The following TXNL4A variants were observed in gnomAD, a reference collection of about 807,000 sequenced individuals.
TXNL4A encodes thioredoxin-like protein 4A.
A neutral mutation model predicts 14.6 loss-of-function variants in TXNL4A; 17 were observed. The observed-to-expected ratio is 1.16, with a 90% CI of 0.80 to 1.74. TXNL4A has a LOEUF of 1.74. Among genes scored for constraint, TXNL4A ranks in the 40% most tolerant of loss-of-function variants. TXNL4A has a pLI of 0.00. For missense variants in TXNL4A, 74 were observed against 195.2 expected (o/e 0.38, Z 3.70); for synonymous variants, 83 against 70.6 (o/e 1.18, Z -0.88).
intron 1 of TXNL4A, among the ~76,000 whole-genome samples, chr18:80,012,771 C>T (rs1288577733): frequency 6.6e-6 from 1 of 152,142 alleles, no homozygotes; most frequent in Non-Finnish European, 1.5e-5. Context: ...ACCCTCTTTA[C>T]AGGGTCTGTT....
At chr18:79,978,612 G>A (rs1275267069) in intron 1 of TXNL4A, among the ~76,000 whole-genome samples, 2 of 150,152 alleles carry the variant, frequency 1.3e-5, no homozygotes, top group Non-Finnish European at 3.0e-5. Context: ...TCCCATCTCC[G>A]CCTCCCAAGC....
chr18:79,976,223 G>C (rs2051377486), intron 2 of TXNL4A, among the ~76,000 whole-genome samples: 1 of 152,232 alleles, frequency 6.6e-6, no homozygotes. Flanking sequence ...CCCTGGGTGA[G>C]AGTGAGACTC....
intron 1 of TXNL4A, among the ~76,000 whole-genome samples, chr18:79,995,878 A>G (rs925211693): frequency 6.6e-5 from 10 of 151,922 alleles, no homozygotes; most frequent in Non-Finnish European, 1.3e-4. Flanking sequence ...TGAGGCGGGC[A>G]GATCATGAGG....
chr18:80,008,982 T>C (rs2051751402), intron 1 of TXNL4A, among the ~76,000 whole-genome samples: 2 of 152,058 alleles, frequency 1.3e-5, no homozygotes, highest in Non-Finnish European at 2.9e-5. Flanking sequence ...GTCACCATAT[T>C]GGCCAGGCTG....
chr18:80,019,512 C>A (rs993399535), intron 1 of TXNL4A, among the ~76,000 whole-genome samples: 2 of 152,150 alleles, frequency 1.3e-5, no homozygotes, highest in East Asian at 3.9e-4. Context: ...GGGGACACAG[C>A]CAAACCATAT....
At chr18:80,031,961 G>A (rs1014476699) in intron 1 of TXNL4A, among the ~76,000 whole-genome samples, 2 of 152,152 alleles carry the variant, frequency 1.3e-5, no homozygotes, top group African/African-American at 4.8e-5. Context: ...TTATAATGTT[G>A]TTGTGGTATA....
At chr18:79,992,022 G>C (rs532253415), upstream of TXNL4A, among the ~76,000 whole-genome samples, 1 of 152,208 alleles carries the variant, frequency 6.6e-6, no homozygotes, top group Admixed American at 6.5e-5. Context: ...GACTCAAAGC[G>C]GGAAGGGGGC....
intron 1 of TXNL4A, among the ~76,000 whole-genome samples, chr18:79,984,419 C>T (rs903633631): frequency 1.3e-5 from 2 of 152,108 alleles, no homozygotes; most frequent in South Asian, 2.1e-4. Flanking sequence ...ATGGCAAAAC[C>T]ACATCTCTAC....
chr18:79,973,540 G>C lies in TXNL4A; in HGVS notation c.*145C>G, dbSNP rs187893297. 1.0e-6 allele frequency: 1 copy of C among 999,422 alleles called. No individual in the cohort carries two copies. 61.9% of individuals were successfully genotyped at this position (999,422 alleles called of 1,614,324 possible). A position where few individuals can be genotyped will look rare whatever the true frequency, so the allele number is the denominator to read the frequency against. On this transcript the variant is annotated 3_prime_UTR_variant, in exon 3 of 3. Transcript: ENST00000269601. Reference sequence around the variant, plus strand: ...CTCTCACCACGTGCTTGTTTATTTCGGTGAGTTAAGACCATGTTATCAATT... The same window carrying C: ...CTCTCACCACGTGCTTGTTTATTTCCGTGAGTTAAGACCATGTTATCAATT...
At chr18:80,025,398 C>T (rs1377760477) in intron 1 of TXNL4A, among the ~76,000 whole-genome samples, 1 of 152,232 alleles carries the variant, frequency 6.6e-6, no homozygotes, top group Non-Finnish European at 1.5e-5. Context: ...AGATCTGTCC[C>T]ACTTTTCTCC....
chr18:80,027,612 T>C (rs1427040568), intron 1 of TXNL4A, among the ~76,000 whole-genome samples: 1 of 152,202 alleles, frequency 6.6e-6, no homozygotes, highest in East Asian at 1.9e-4. Context: ...TTCCCAAATA[T>C]TAAAAGCTGA....
chr18:80,004,337 A>G (rs1217854041), intron 1 of TXNL4A, among the ~76,000 whole-genome samples: 1 of 152,176 alleles, frequency 6.6e-6, no homozygotes, highest in Non-Finnish European at 1.5e-5. Flanking sequence ...CTCTCAGTGC[A>G]TGAACTCAGG....
Position 79,986,565 on chromosome 18 carries a change from G to C in TXNL4A, c.153+1675C>G, listed in dbSNP as rs148269245. The C allele has an allele frequency of 3.7e-5, 36 of 985,326 alleles. No homozygotes were observed. The African/African-American group carries it at 5.6e-4, about 15-fold the overall frequency. The allele number at this position is 985,326 out of a possible 1,614,324, so 61.0% of individuals were successfully genotyped here. A position where few individuals can be genotyped will look rare whatever the true frequency, so the allele number is the denominator to read the frequency against. ...AAAGAAATTGGACATAAAGGAGTTG[G>C]AAAAGAGCAAATCTGGCAAAGACCC... On this transcript the variant is annotated intron_variant, in intron 1 of 2. Coordinates refer to ENST00000269601, the MANE Select transcript of TXNL4A (RefSeq NM_006701.5).
chr18:80,030,952 G>C (rs1208281913), intron 1 of TXNL4A, among the ~76,000 whole-genome samples: 1 of 152,158 alleles, frequency 6.6e-6, no homozygotes, highest in African/African-American at 2.4e-5. Context: ...GGGCGATGGA[G>C]TGAGATTCCA....
intron 1 of TXNL4A, among the ~76,000 whole-genome samples, chr18:80,003,955 G>A (rs1273862158): frequency 2.6e-5 from 4 of 152,066 alleles, no homozygotes; most frequent in South Asian, 2.1e-4. Context: ...GGTCACCTCC[G>A]CTTGGTCCTG....
chr18:80,005,530 G>A (rs1599743710), intron 1 of TXNL4A, among the ~76,000 whole-genome samples: 1 of 152,354 alleles, frequency 6.6e-6, no homozygotes, highest in Admixed American at 6.5e-5. Flanking sequence ...CCTAGTAACA[G>A]AGAATCCTAC....
chr18:80,010,058 T>C (rs536690518), intron 1 of TXNL4A, among the ~76,000 whole-genome samples: 1 of 152,340 alleles, frequency 6.6e-6, no homozygotes, highest in South Asian at 2.1e-4. Flanking sequence ...CCCTGGCTCC[T>C]GCTGTAACCA....
intron 1 of TXNL4A, among the ~76,000 whole-genome samples, chr18:79,985,345 T>C (rs2051531070): frequency 6.6e-6 from 1 of 152,032 alleles, no homozygotes; most frequent in Admixed American, 6.6e-5. Context: ...AGCCTTGAAC[T>C]CCTGGACTCA....
intron 1 of TXNL4A, among the ~76,000 whole-genome samples, chr18:80,033,577 G>A (rs2051941064): frequency 1.3e-5 from 2 of 152,260 alleles, no homozygotes; most frequent in African/African-American, 4.8e-5. Context: ...ACCCCTCGCA[G>A]CCTCCCGCCG....
Sources: gnomAD v4.1 joint callset for allele counts (sites outside exome capture counted in the v4.1 genomes callset) on GRCh38, gnomAD v4.1.1 for gene constraint, MANE v1.5 for transcripts, NCBI Gene and HGNC (gene_info 2026-07-23, HGNC 2026-07-21) for gene names.